RIMKLA: variants seen among roughly 807,000 people sequenced by gnomAD.
RIMKLA encodes N-acetylaspartylglutamate synthase A.
Under a neutral mutation model 32.7 loss-of-function variants are expected in RIMKLA, and 14 were observed. That is an observed-to-expected ratio of 0.43 (90% CI 0.28 to 0.67). The LOEUF is 0.67. Among genes scored for constraint, RIMKLA ranks in the 30% least tolerant of loss-of-function variants. The pLI is 0.18. For missense variants in RIMKLA, 410 were observed against 519.0 expected (o/e 0.79, Z 2.04); for synonymous variants, 176 against 204.1 (o/e 0.86, Z 1.18).
chr1:42,406,457 A>T (rs981748937), intron 3 of RIMKLA, among the ~76,000 whole-genome samples: 2 of 152,162 alleles, frequency 1.3e-5, no homozygotes, highest in African/African-American at 4.8e-5. Flanking sequence ...TGTTTTGGCT[A>T]TTTTATATGA....
At position 42,423,697 on chromosome 1, in the gene RIMKLA, C is replaced by T. The variant is rs916783519; in HGVS notation, c.*8723C>T. ...GCCTGTGACACTTCCCCTTCTACTT[C>T]CCAGAGTTACATGGTGTCCCTCTAG... On this transcript the variant is annotated 3_prime_UTR_variant, in exon 5 of 5. Coordinates refer to ENST00000431473, the MANE Select transcript of RIMKLA (RefSeq NM_173642.4). 5.3e-5 allele frequency among the ~76,000 whole-genome samples: 8 copies of T among 152,196 alleles called. No individual in the cohort carries two copies. Among genetic ancestry groups the T allele is most frequent in the African/African-American group, 1.4e-4 (6 of 41,450 alleles).
In RIMKLA at chr1:42,392,872, G is replaced by A. The variant is rs1247958588; in HGVS notation, c.164-6532G>A. Among the ~76,000 whole-genome samples, 3 of 152,102 alleles carry A rather than the reference G, an allele frequency of 2.0e-5. 1 individual carries two copies. Among genetic ancestry groups the A allele is most frequent in the Non-Finnish European group, 4.4e-5 (3 of 68,020 alleles). ...CCAGGCATGGTGGCTCGTGCCTGTA[G>A]TCCCAGCTACTCAGGAAGCTGAGGC... On this transcript the variant is annotated intron_variant, in intron 1 of 4. Coordinates refer to ENST00000431473, the MANE Select transcript of RIMKLA (RefSeq NM_173642.4).
In RIMKLA at chr1:42,397,647, C is replaced by G. The variant is rs1643059800; in HGVS notation, c.164-1757C>G. ...AGCTGAGGTGGGAGGATCGCTTGAG[C>G]CTAGGAGTTAGAGGTTGTGGTGATC... On this transcript the variant is annotated intron_variant, in intron 1 of 4. Transcript: ENST00000431473. 3.3e-5 allele frequency among the ~76,000 whole-genome samples: 5 copies of G among 152,098 alleles called. No individual in the cohort carries two copies. The South Asian group carries it at 1.0e-3, about 32-fold the overall frequency.
chr1:42,417,948 A>AAG lies in RIMKLA; in HGVS notation c.*2975_*2976insGA. The AAG allele has an allele frequency of 6.6e-6, 1 of 152,332 alleles. No individual in the cohort carries two copies. The highest frequency in any genetic ancestry group is 1.9e-4 in the East Asian group (1 of 5,160). The allele number at this position is 152,332 out of a possible 1,614,324, so 9.4% of individuals were successfully genotyped here. Reference sequence around the variant, plus strand: ...GAGACTCCGTCTCAAAAAAAAAAAAAAAAAGCCACACATTCTTGGCATTAG... The same window carrying AAG: ...GAGACTCCGTCTCAAAAAAAAAAAAAAGAAAAGCCACACATTCTTGGCATTAG... On this transcript the variant is annotated 3_prime_UTR_variant, in exon 5 of 5. Transcript: ENST00000431473.
intron 1 of RIMKLA, among the ~76,000 whole-genome samples, chr1:42,390,687 G>T (rs1333791278): frequency 6.6e-6 from 1 of 152,182 alleles, no homozygotes; most frequent in African/African-American, 2.4e-5. Context: ...AGTAATAAAA[G>T]TGTAAGATAA....
intron 1 of RIMKLA, among the ~76,000 whole-genome samples, chr1:42,390,526 C>T (rs138466263): frequency 3.3e-5 from 5 of 152,216 alleles, no homozygotes; most frequent in East Asian, 3.9e-4. Flanking sequence ...GGAGTAAGGA[C>T]AATTCAGCTG....
At position 42,399,845 on chromosome 1, in the gene RIMKLA, G is replaced by A. The variant is rs115884363; in HGVS notation, c.394+211G>A. 4.3e-3 allele frequency among the ~76,000 whole-genome samples: 651 copies of A among 152,284 alleles called. 7 individuals carry two copies. The highest frequency in any genetic ancestry group is 0.015 in the African/African-American group (624 of 41,568). On this transcript the variant is annotated intron_variant, in intron 2 of 4. Transcript: ENST00000431473. ...ATTAAATACATATCTGGTACACACT[G>A]TGTGCCAGGCAGCATGCTAGGCACT...
chr1:42,400,964 TA>T (rs1643091849), intron 2 of RIMKLA, among the ~76,000 whole-genome samples: 1 of 152,120 alleles, frequency 6.6e-6, no homozygotes, highest in African/African-American at 2.4e-5. Flanking sequence ...AACATTTTTT[TA>T]AAAGAGGGAA....
chr1:42,396,248 A>AG (rs1643046289), intron 1 of RIMKLA, among the ~76,000 whole-genome samples: 1 of 150,902 alleles, frequency 6.6e-6, no homozygotes, highest in Non-Finnish European at 1.5e-5. Context: ...AAAAAAAAAA[A>AG]AAAAAAAAAA....
At chr1:42,389,614 C>T (rs1230527819) in intron 1 of RIMKLA, among the ~76,000 whole-genome samples, 1 of 152,064 alleles carries the variant, frequency 6.6e-6, no homozygotes, top group African/African-American at 2.4e-5. Flanking sequence ...GAGTTCGAGA[C>T]CGGCCTGGCC....
rs546075488 is a variant in RIMKLA at position 42,422,259 on chromosome 1, G to A, written c.*7285G>A. The A allele has an allele frequency of 1.3e-5, 2 of 152,250 alleles. No homozygotes were observed. Among genetic ancestry groups the A allele is most frequent in the African/African-American group, 4.8e-5 (2 of 41,548 alleles). The allele number at this position is 152,250 out of a possible 1,614,324, so 9.4% of individuals were successfully genotyped here. A position where few individuals can be genotyped will look rare whatever the true frequency, so the allele number is the denominator to read the frequency against. On this transcript the variant is annotated 3_prime_UTR_variant, in exon 5 of 5. Coordinates refer to ENST00000431473, the MANE Select transcript of RIMKLA (RefSeq NM_173642.4). ...AAAAGACTGCTTCTCTGCTTGTTCT[G>A]TCTAACTTCTGTGATTTCAACACTT...
Position 42,414,713 on chromosome 1 carries a change from T to C in RIMKLA, c.915T>C (p.Asn305=), listed in dbSNP as rs2148396962. ...ACTATACCATGTCCTTGCTGCCAAATAGGCAGACTGGAAAGATGGCTGTCC... is the reference window on the plus strand; with the variant it reads ...ACTATACCATGTCCTTGCTGCCAAACAGGCAGACTGGAAAGATGGCTGTCC... ...IADYTMSLLP[N]RQTGKMAVLP... is the part of the protein sequence containing the mutation. Residue 305 remains asparagine, a synonymous_variant, in exon 5 of 5, where the codon AAT becomes AAC. Transcript: ENST00000431473. The C allele has an allele frequency of 3.1e-6, 5 of 1,614,164 alleles. No homozygotes were observed. In the South Asian group the frequency reaches 3.3e-5, roughly 11 times the overall value.
At chr1:42,412,606 G>A (rs1030378875) in intron 4 of RIMKLA, 3 of 509,844 alleles carry the variant, frequency 5.9e-6, no homozygotes, top group African/African-American at 5.9e-5. Context: ...CTGCCTGTGA[G>A]GTTCACAACA....
intron 1 of RIMKLA, among the ~76,000 whole-genome samples, chr1:42,394,361 A>T (rs1246285225): frequency 6.6e-6 from 1 of 152,246 alleles, no homozygotes; most frequent in African/African-American, 2.4e-5. Context: ...TGTGAGTGAC[A>T]TGCATGCACA....
At position 42,416,087 on chromosome 1, in the gene RIMKLA, C is replaced by CGGAG. The variant is rs796692306; in HGVS notation, c.*1115_*1116insAGGG. 1.0e-5 allele frequency: 1 copy of CGGAG among 95,694 alleles called. No homozygotes were observed. Among genetic ancestry groups the CGGAG allele is most frequent in the Non-Finnish European group, 2.5e-5 (1 of 40,582 alleles). 5.9% of individuals were successfully genotyped at this position (95,694 alleles called of 1,614,324 possible). ...CAGGAATTACCCATTGCACATTTTG[C>CGGAG]GGGGGGGGGGGCTAATGTAGACATG... On this transcript the variant is annotated 3_prime_UTR_variant, in exon 5 of 5. Transcript: ENST00000431473.
intron 1 of RIMKLA, among the ~76,000 whole-genome samples, chr1:42,392,560 TTGTC>T (rs1186585738): frequency 2.6e-5 from 4 of 152,142 alleles, no homozygotes; most frequent in African/African-American, 9.7e-5. Flanking sequence ...TTAGAGGGCT[TTGTC>T]TGGTACAGGA....
At chr1:42,409,950 C>G (rs1377009352) in intron 3 of RIMKLA, 34 bp from the exon 4 acceptor site, 4 of 1,565,214 alleles carry the variant, frequency 2.6e-6, no homozygotes, top group Non-Finnish European at 3.5e-6. Flanking sequence ...AGAGGCTTCT[C>G]TAACCCCTTC....
chr1:42,410,288 G>C, intron 4 of RIMKLA, 101 bp downstream of exon 4: 1 of 920,346 alleles, frequency 1.1e-6, no homozygotes. Flanking sequence ...TAGACACCAG[G>C]ATCTCACAGA....
intron 3 of RIMKLA, among the ~76,000 whole-genome samples, chr1:42,406,580 TTAA>T (rs1643148981): frequency 6.6e-6 from 1 of 152,252 alleles, no homozygotes; most frequent in African/African-American, 2.4e-5. Flanking sequence ...TTTTTGTGAC[TTAA>T]TAATATGACT....
Sources: allele counts gnomAD v4.1 joint callset (sites outside exome capture counted in the v4.1 genomes callset), GRCh38; gene constraint gnomAD v4.1.1; transcripts MANE v1.5; gene names NCBI Gene and HGNC (gene_info 2026-07-23, HGNC 2026-07-21).